SORL1: variants seen among roughly 807,000 people sequenced by gnomAD.
SORL1 encodes the protein sortilin-related receptor.
In SORL1, 127 loss-of-function variants were observed where a neutral mutation model predicts 273.7. The ratio of observed to expected loss-of-function variants is 0.46; its 90% CI spans 0.40 to 0.54. SORL1 has a LOEUF of 0.54. SORL1 is among the 20% of genes least tolerant of loss of function. The probability of loss-of-function intolerance (pLI) is 0.00; values close to 1 mark genes in which losing one functional copy is unlikely to be tolerated. For missense variants in SORL1, 2,494 were observed against 2,846.1 expected, an observed-to-expected ratio of 0.88 and a Z score of 2.81; for synonymous variants, 1,031 against 1,067.4, an observed-to-expected ratio of 0.97 and a Z score of 0.66.
chr11:121,545,304 G>A lies in SORL1; in HGVS notation c.1926G>A (p.Glu642=). Reference sequence around the variant, plus strand: ...CACCATCTGATGAGCGGGGGAATGAGTGTTTGCTGGGACACAAGACTGTTT... The same window carrying A: ...CACCATCTGATGAGCGGGGGAATGAATGTTTGCTGGGACACAAGACTGTTT... ...LWSPSDERGN[E]CLLGHKTVFK... is the part of the protein sequence containing the mutation. Residue 642 remains glutamate, a synonymous_variant, in exon 14 of 48, where the codon GAG becomes GAA. Coordinates refer to ENST00000260197, the MANE Select transcript of SORL1 (RefSeq NM_003105.6). 1.2e-6 allele frequency: 2 copies of A among 1,614,110 alleles called. No homozygotes were observed. Among genetic ancestry groups the A allele is most frequent in the Non-Finnish European group, 1.7e-6 (2 of 1,179,942 alleles).
Position 121,583,508 on chromosome 11 carries a change from T to C in SORL1, c.3631T>C (p.Cys1211Arg). Reference sequence around the variant, plus strand: ...CAACTTCCAGTGCCGAAACGGGCACTGCATCCCCCAGCGGTGGGCGTGTGA... The same window carrying C: ...CAACTTCCAGTGCCGAAACGGGCACCGCATCCCCCAGCGGTGGGCGTGTGA... ...ASNFQCRNGHCIPQRWACDGD... is the reference protein window; with the variant it reads ...ASNFQCRNGHRIPQRWACDGD... The change falls in exon 26 of 48, where the codon TGC (cysteine) becomes CGC (arginine). Residue 1211 changes from cysteine (C) to arginine (R), a missense_variant. Physicochemically the swap from Cys to Arg is radical, Grantham distance 180. This residue lies in a region of SORL1 where 1,609 missense variants were observed against 1,816.4 expected (regional missense o/e 0.89). Coordinates refer to ENST00000260197, the MANE Select transcript of SORL1 (RefSeq NM_003105.6). 6.2e-7 allele frequency: 1 copy of C among 1,613,102 alleles called. No homozygotes were observed. The highest frequency in any genetic ancestry group is 8.5e-7 in the Non-Finnish European group (1 of 1,179,538).
intron 26 of SORL1, among the ~76,000 whole-genome samples, chr11:121,584,111 G>T (rs1218639644): frequency 6.6e-6 from 1 of 152,180 alleles, no homozygotes; most frequent in Non-Finnish European, 1.5e-5. Context: ...ACCACTATTC[G>T]TGTCTTTGGA....
rs143897614 is a variant in SORL1 at position 121,547,332 on chromosome 11, G to GTTT, written c.2051+1914_2051+1916dup. On this transcript the variant is annotated intron_variant, in intron 14 of 47. Coordinates refer to ENST00000260197, the MANE Select transcript of SORL1 (RefSeq NM_003105.6). The stretch of plus-strand genomic sequence containing the variant: ...TAAGAAAGTCTAACAAATCTTTGGG[G>GTTT]TTTTTTTTTTTTTCATGACATTTAG... Among the ~76,000 whole-genome samples, 185 of 121,954 alleles carry GTTT rather than the reference G, an allele frequency of 1.5e-3. No individual in the cohort carries two copies. In the Middle Eastern group the frequency reaches 0.017, roughly 11 times the overall value. The allele number at this position is 121,954 out of a possible 152,430, so 80.0% of individuals were successfully genotyped here.
At chr11:121,462,565 C>G (rs1861017354) in intron 1 of SORL1, among the ~76,000 whole-genome samples, 2 of 152,090 alleles carry the variant, frequency 1.3e-5, no homozygotes, top group Non-Finnish European at 2.9e-5. Context: ...TGAGGCAGGA[C>G]CTAGAATCGT....
At chr11:121,566,726 G>C in intron 21 of SORL1, 1 of 495,484 alleles carries the variant, frequency 2.0e-6, no homozygotes, top group Non-Finnish European at 3.6e-6. Flanking sequence ...CTCTGGGGCA[G>C]TCTGATCTGG....
intron 21 of SORL1, among the ~76,000 whole-genome samples, chr11:121,561,682 C>T (rs1407553471): frequency 9.6e-6 from 1 of 104,356 alleles, no homozygotes; most frequent in East Asian, 2.7e-4. Flanking sequence ...GAGTGAGACC[C>T]TGTCACCGAA....
In SORL1 at chr11:121,554,131, C is replaced by T. The variant is rs1388067369; in HGVS notation, c.2439+22C>T. 6.2e-7 allele frequency: 1 copy of T among 1,607,548 alleles called. No individual in the cohort carries two copies. The highest frequency in any genetic ancestry group is 1.1e-5 in the South Asian group (1 of 90,422). ...CCAGGTGAGTCAGCGCTTGGTCTGA[C>T]TGTGGGAGCTGTGCATCGTGACTGC... On this transcript the variant is annotated intron_variant, in intron 17 of 47. Coordinates refer to ENST00000260197, the MANE Select transcript of SORL1 (RefSeq NM_003105.6). The surrounding 1 kb of genome is among the most constrained non-coding windows in gnomAD (Gnocchi z 4.6).
chr11:121,615,759 G>A (rs1863630522), intron 41 of SORL1, among the ~76,000 whole-genome samples: 1 of 152,216 alleles, frequency 6.6e-6, no homozygotes, highest in Non-Finnish European at 1.5e-5. Flanking sequence ...GTAGCTGTCT[G>A]TAAAATCAGT....
intron 26 of SORL1, among the ~76,000 whole-genome samples, chr11:121,585,407 C>A (rs576563460): frequency 6.6e-6 from 1 of 151,740 alleles, no homozygotes; most frequent in African/African-American, 2.4e-5. Flanking sequence ...TGCTTGAGCA[C>A]GGGAGGTGGA....
intron 14 of SORL1, among the ~76,000 whole-genome samples, chr11:121,548,486 T>A (rs1447227791): frequency 6.6e-6 from 1 of 152,274 alleles, no homozygotes; most frequent in African/African-American, 2.4e-5. Context: ...GATTATGATA[T>A]AATGCACACA....
intron 43 of SORL1, among the ~76,000 whole-genome samples, chr11:121,620,183 T>C (rs1410780979): frequency 1.3e-5 from 2 of 152,240 alleles, no homozygotes; most frequent in African/African-American, 4.8e-5. Flanking sequence ...CCTGACCCTC[T>C]CACACAGGGA....
chr11:121,478,872 A>C (rs781386348), intron 3 of SORL1, among the ~76,000 whole-genome samples: 3 of 143,512 alleles, frequency 2.1e-5, no homozygotes, highest in African/African-American at 7.9e-5. Flanking sequence ...TTATGCACAT[A>C]TGGGTACCTG....
intron 21 of SORL1, among the ~76,000 whole-genome samples, chr11:121,561,287 C>G (rs559862831): frequency 6.6e-6 from 1 of 152,190 alleles, no homozygotes; most frequent in Non-Finnish European, 1.5e-5. Context: ...CACTTCATCC[C>G]AAGAACTTGG....
At chr11:121,620,312 A>G (rs958443566) in intron 43 of SORL1, among the ~76,000 whole-genome samples, 10 of 152,182 alleles carry the variant, frequency 6.6e-5, no homozygotes, top group African/African-American at 2.2e-4. Context: ...ACTTTCATGC[A>G]ATGATCAGCA....
intron 12 of SORL1, among the ~76,000 whole-genome samples, chr11:121,535,055 G>A (rs1469581135): frequency 6.6e-6 from 1 of 151,888 alleles, no homozygotes; most frequent in African/African-American, 2.4e-5. Context: ...ATTGAAATAG[G>A]TCATGCATAC....
At chr11:121,599,765 TA>T (rs1352813894) in intron 32 of SORL1, among the ~76,000 whole-genome samples, 3 of 147,926 alleles carry the variant, frequency 2.0e-5, no homozygotes, top group Non-Finnish European at 4.4e-5. Context: ...TCCTGCTGTG[TA>T]CTTTTTTTTT....
chr11:121,530,243 C>T (rs1417025089), intron 11 of SORL1, among the ~76,000 whole-genome samples: 2 of 152,200 alleles, frequency 1.3e-5, no homozygotes, highest in African/African-American at 4.8e-5. Context: ...CTCTTGCTTG[C>T]TCTTCGTTCT....
At chr11:121,466,266 C>T (rs1861080708) in intron 1 of SORL1, among the ~76,000 whole-genome samples, 1 of 152,110 alleles carries the variant, frequency 6.6e-6, no homozygotes, top group African/African-American at 2.4e-5. Context: ...CTGGGAAAAC[C>T]ACCCTCCCAC....
chr11:121,542,963 G>A (rs1862369093), intron 12 of SORL1, among the ~76,000 whole-genome samples: 1 of 151,090 alleles, frequency 6.6e-6, no homozygotes, highest in African/African-American at 2.4e-5. Flanking sequence ...GGATCACGAG[G>A]TCAGGAGGTC....
Sources: gnomAD v4.1 joint callset for allele counts (sites outside exome capture counted in the v4.1 genomes callset) on GRCh38, gnomAD v4.1.1 for gene constraint, gnomAD v4.1.1 regional missense constraint, Gnocchi (gnomAD v3.1) non-coding constraint, MANE v1.5 for transcripts, NCBI Gene and HGNC (gene_info 2026-07-23, HGNC 2026-07-21) for gene names.